The following MEF2C variants were observed in gnomAD, a reference collection of about 807,000 sequenced individuals.
MEF2C encodes myocyte enhancer factor 2C, also known as myocyte-specific enhancer factor 2C.
A neutral mutation model predicts 50.5 loss-of-function variants in MEF2C; 6 were observed. The observed-to-expected ratio is 0.12, with a 90% CI of 0.07 to 0.23. The LOEUF (loss-of-function observed/expected upper bound fraction) is 0.23. Ranked by LOEUF, MEF2C falls within the 10% of genes least tolerant of loss-of-function variation. The pLI, the probability that MEF2C is intolerant of heterozygous loss-of-function variation, is 1.00. For synonymous variants in MEF2C, 183 were observed against 228.0 expected (o/e 0.80, Z 1.78); for missense variants, 276 against 605.0 (o/e 0.46, Z 5.70).
intron 3 of MEF2C, among the ~76,000 whole-genome samples, chr5:88,792,689 T>G (rs1375977333): frequency 6.6e-6 from 1 of 152,190 alleles, no homozygotes; most frequent in Non-Finnish European, 1.5e-5. Flanking sequence ...GAAACATGAC[T>G]AATGCAACTG....
At chr5:88,741,617 T>C (rs1174140327) in intron 6 of MEF2C, 1 of 981,356 alleles carries the variant, frequency 1.0e-6, no homozygotes, top group Non-Finnish European at 1.2e-6. Flanking sequence ...TGTTTGAATA[T>C]GTAAACTGGC....
intron 1 of MEF2C, among the ~76,000 whole-genome samples, chr5:88,892,687 C>G (rs1834720955): frequency 6.6e-6 from 1 of 152,046 alleles, no homozygotes; most frequent in African/African-American, 2.4e-5. Context: ...TGGGGGGATG[C>G]TTTATTATAC....
At chr5:88,724,734 T>C (rs1340349733) in intron 10 of MEF2C, among the ~76,000 whole-genome samples, 1 of 152,152 alleles carries the variant, frequency 6.6e-6, no homozygotes, top group African/African-American at 2.4e-5. Flanking sequence ...TTCATAATGG[T>C]AGACTATTTT....
chr5:88,861,347 A>C (rs911332815), intron 1 of MEF2C, among the ~76,000 whole-genome samples: 1 of 152,250 alleles, frequency 6.6e-6, no homozygotes, highest in Non-Finnish European at 1.5e-5. Context: ...GTTACTTGTT[A>C]AAAACTCTCC....
intron 6 of MEF2C, chr5:88,735,684 T>C: frequency 1.0e-6 from 1 of 985,468 alleles, no homozygotes; most frequent in Non-Finnish European, 1.2e-6. Context: ...AACTTGAATG[T>C]GGTGTTAGGA....
intron 4 of MEF2C, chr5:88,752,819 CA>C: frequency 1.1e-6 from 1 of 947,662 alleles, no homozygotes; most frequent in Non-Finnish European, 1.3e-6. Flanking sequence ...TCAATTTAAG[CA>C]AAATCATGTT....
intron 1 of MEF2C, among the ~76,000 whole-genome samples, chr5:88,895,055 C>T (rs766815279): frequency 1.3e-5 from 2 of 152,238 alleles, no homozygotes; most frequent in Middle Eastern, 3.4e-3. Context: ...TAGTGCCTCG[C>T]ATATAGAAAA....
chr5:88,854,436 T>C (rs917635568), intron 1 of MEF2C, among the ~76,000 whole-genome samples: 3 of 152,176 alleles, frequency 2.0e-5, no homozygotes, highest in Admixed American at 6.5e-5. Context: ...AAATTAACTT[T>C]AGTACAATGT....
intron 6 of MEF2C, among the ~76,000 whole-genome samples, chr5:88,747,333 C>CATTTTTTT (rs1770262735): frequency 4.6e-5 from 1 of 21,744 alleles, no homozygotes; most frequent in African/African-American, 1.1e-4. Context: ...TTTTTTACTA[C>CATTTTTTT]TTTTTTTTTT....
intron 3 of MEF2C, among the ~76,000 whole-genome samples, chr5:88,764,898 A>AT (rs2152714074): frequency 6.6e-6 from 1 of 151,822 alleles, no homozygotes; most frequent in South Asian, 2.1e-4. Flanking sequence ...TAAAATATTG[A>AT]TTTTCTTAGA....
rs74540833 is a variant in MEF2C, at chr5:88,780,866, G to C, written c.259-19538C>G. The C allele has an allele frequency of 1.2e-3, 1,220 of 984,972 alleles. 3 individuals are homozygous for C. The highest frequency in any genetic ancestry group is 0.01 in the African/African-American group (586 of 57,220). The allele number at this position is 984,972 out of a possible 1,614,324, so 61.0% of individuals were successfully genotyped here. A position where few individuals can be genotyped will look rare whatever the true frequency, so the allele number is the denominator to read the frequency against. On this transcript the variant is annotated intron_variant, in intron 3 of 10. Coordinates refer to ENST00000504921, the MANE Select transcript of MEF2C (RefSeq NM_002397.5). Reference sequence around the variant, plus strand: ...TTCTCTTTCTCCCTACATCTCTCTCGTTCTTTCACTTTCTCTCTCATTGTC... The same window carrying C: ...TTCTCTTTCTCCCTACATCTCTCTCCTTCTTTCACTTTCTCTCTCATTGTC...
At chr5:88,754,359 C>A (rs1774263016) in intron 4 of MEF2C, among the ~76,000 whole-genome samples, 1 of 152,214 alleles carries the variant, frequency 6.6e-6, no homozygotes, top group Admixed American at 6.5e-5. Context: ...GAGATAGGAA[C>A]AGCTTCTAGG....
At chr5:88,812,426 T>C (rs1316242068) in intron 2 of MEF2C, among the ~76,000 whole-genome samples, 8 of 152,172 alleles carry the variant, frequency 5.3e-5, no homozygotes, top group Admixed American at 5.2e-4. Context: ...AAATTTCACA[T>C]ACTTGTTTTA....
chr5:88,842,594 C>CATTT (rs35022413), intron 1 of MEF2C, among the ~76,000 whole-genome samples: 62,842 of 150,668 alleles, frequency 0.42, 14,805 homozygotes, highest in African/African-American at 0.64. Context: ...AGAATTCATT[C>CATTT]AACAGCCACA....
intron 1 of MEF2C, among the ~76,000 whole-genome samples, chr5:88,829,678 A>G (rs1561241554): frequency 6.6e-6 from 1 of 152,060 alleles, no homozygotes; most frequent in Non-Finnish European, 1.5e-5. Context: ...TTTACATAGC[A>G]TCTCCTATGT....
At chr5:88,861,324 G>A (rs1053694373) in intron 1 of MEF2C, among the ~76,000 whole-genome samples, 1 of 152,226 alleles carries the variant, frequency 6.6e-6, no homozygotes, top group East Asian at 1.9e-4. Flanking sequence ...GTTGGACCAG[G>A]TTCCCTGGCA....
intron 1 of MEF2C, among the ~76,000 whole-genome samples, chr5:88,833,513 G>A (rs1213293504): frequency 1.3e-5 from 2 of 152,090 alleles, no homozygotes; most frequent in Non-Finnish European, 2.9e-5. Flanking sequence ...CTGTAGTGAC[G>A]TGCGGATGTT....
intron 6 of MEF2C, among the ~76,000 whole-genome samples, chr5:88,747,535 G>C: frequency 1.8e-5 from 1 of 55,254 alleles, no homozygotes; most frequent in African/African-American, 4.5e-5. Flanking sequence ...ATTTTTAGTA[G>C]AGACGGGGTT....
intron 3 of MEF2C, among the ~76,000 whole-genome samples, chr5:88,793,464 T>C (rs1471150823): frequency 1.3e-5 from 2 of 152,278 alleles, no homozygotes; most frequent in Admixed American, 6.5e-5. Flanking sequence ...ACCTTGGTTA[T>C]ATCTGTATCT....
Sources: allele counts gnomAD v4.1 joint callset (sites outside exome capture counted in the v4.1 genomes callset), GRCh38; gene constraint gnomAD v4.1.1; transcripts MANE v1.5; gene names NCBI Gene and HGNC (gene_info 2026-07-23, HGNC 2026-07-21).